Variants in AUH observed in about 807,000 individuals in gnomAD.
AUH encodes AU RNA binding methylglutaconyl-CoA hydratase.
Under a neutral mutation model 42.3 loss-of-function variants are expected in AUH, and 29 were observed. The observed-to-expected ratio is 0.69, with a 90% confidence interval of 0.51 to 0.93. The LOEUF is 0.93. Among genes scored for constraint, AUH ranks in the 40% least tolerant of loss-of-function variants. The pLI, the probability that AUH is intolerant of heterozygous loss-of-function variation, is 0.00. For missense variants in AUH, 452 were observed against 438.1 expected (o/e 1.03, Z -0.28); for synonymous variants, 174 against 166.4 (o/e 1.05, Z -0.35).
intron 4 of AUH, chr9:91,306,253 A>T (rs1413200610): frequency 9.1e-6 from 6 of 658,050 alleles, no homozygotes; most frequent in Non-Finnish European, 9.4e-6. Context: ...ACCCTCCCTA[A>T]GGGAAATGCA....
At chr9:91,355,513 C>T (rs1271038852) in intron 3 of AUH, among the ~76,000 whole-genome samples, 1 of 151,224 alleles carries the variant, frequency 6.6e-6, no homozygotes, top group African/African-American at 2.4e-5. Context: ...GCGAAGATCA[C>T]GCCACTGCAG....
intron 6 of AUH, among the ~76,000 whole-genome samples, chr9:91,269,321 T>G (rs1335493692): frequency 1.3e-5 from 2 of 152,258 alleles, no homozygotes; most frequent in East Asian, 3.8e-4. Context: ...CCAGTCTTCA[T>G]GAACTCCCTC....
chr9:91,268,725 C>T (rs1006343834), intron 6 of AUH, among the ~76,000 whole-genome samples: 4 of 151,894 alleles, frequency 2.6e-5, no homozygotes, highest in South Asian at 4.2e-4. Context: ...CCACCACGCC[C>T]GGCCCATAGA....
At chr9:91,331,784 A>C (rs1287181782) in intron 3 of AUH, among the ~76,000 whole-genome samples, 1 of 152,210 alleles carries the variant, frequency 6.6e-6, no homozygotes. Flanking sequence ...AACTACTCCA[A>C]TGAACTTTAG....
At chr9:91,361,487 G>A in intron 1 of AUH, 141 bp downstream of exon 1, 2 of 1,189,186 alleles carry the variant, frequency 1.7e-6, no homozygotes, top group Non-Finnish European at 2.3e-6. Flanking sequence ...GAGTAGGGAG[G>A]TGAGAAAGGG....
At chr9:91,241,741 C>T (rs1452154119) in intron 6 of AUH, among the ~76,000 whole-genome samples, 2 of 152,070 alleles carry the variant, frequency 1.3e-5, no homozygotes, top group Admixed American at 1.3e-4. Context: ...TTGATATCTA[C>T]AGATTCCACC....
intron 3 of AUH, among the ~76,000 whole-genome samples, chr9:91,339,023 T>C (rs1830906081): frequency 6.6e-6 from 1 of 152,212 alleles, no homozygotes; most frequent in Non-Finnish European, 1.5e-5. Flanking sequence ...TTACCTCTAA[T>C]GAATAAAACA....
intron 6 of AUH, among the ~76,000 whole-genome samples, chr9:91,278,036 G>A (rs912421909): frequency 2.6e-5 from 4 of 152,176 alleles, no homozygotes; most frequent in South Asian, 4.1e-4. Context: ...GAGGCAGCAG[G>A]TGAGTTTTAA....
chr9:91,226,826 T>C (rs1267139749), intron 6 of AUH, among the ~76,000 whole-genome samples: 1 of 120,434 alleles, frequency 8.3e-6, no homozygotes, highest in Non-Finnish European at 1.7e-5. Context: ...CCCCATTGCT[T>C]GTTTTTCTCA....
At chr9:91,292,356 G>A (rs1826974005) in intron 6 of AUH, among the ~76,000 whole-genome samples, 1 of 147,908 alleles carries the variant, frequency 6.8e-6, no homozygotes. Context: ...TCGGCTCACT[G>A]CAATTTCCAC....
At chr9:91,342,402 T>C (rs1001432014) in intron 3 of AUH, among the ~76,000 whole-genome samples, 7 of 152,200 alleles carry the variant, frequency 4.6e-5, no homozygotes, top group Non-Finnish European at 1.0e-4. Flanking sequence ...TCTGCGAAGT[T>C]CCTGTTTCCA....
At chr9:91,321,036 T>C (rs568945628) in intron 4 of AUH, among the ~76,000 whole-genome samples, 8 of 152,220 alleles carry the variant, frequency 5.3e-5, no homozygotes, top group Non-Finnish European at 1.2e-4. Context: ...GGTATGTTTC[T>C]TGAAAAATTG....
intron 7 of AUH, 54 bp downstream of exon 7, chr9:91,220,751 G>A (rs2131214310): frequency 6.3e-7 from 1 of 1,592,062 alleles, no homozygotes; most frequent in Non-Finnish European, 8.6e-7. Flanking sequence ...TTTAGTCAAA[G>A]TGTTATAATG....
chr9:91,276,860 T>TCC (rs1352110891), intron 6 of AUH, among the ~76,000 whole-genome samples: 1 of 152,266 alleles, frequency 6.6e-6, no homozygotes, highest in East Asian at 1.9e-4. Flanking sequence ...GTGGTTTTCT[T>TCC]CCCCAAGTAA....
intron 6 of AUH, among the ~76,000 whole-genome samples, chr9:91,277,474 G>GT (rs141294340): frequency 0.022 from 3,326 of 152,156 alleles, 196 homozygotes; most frequent in East Asian, 0.21. Flanking sequence ...TAAAACAGAA[G>GT]TTTTTTGTAA....
chr9:91,269,031 A>G (rs1240184688), intron 6 of AUH, among the ~76,000 whole-genome samples: 1 of 151,860 alleles, frequency 6.6e-6, no homozygotes, highest in Admixed American at 6.6e-5. Flanking sequence ...CCCAGGCTGG[A>G]GCACAGTGGT....
chr9:91,269,537 A>T, intron 6 of AUH, among the ~76,000 whole-genome samples: 1 of 152,376 alleles, frequency 6.6e-6, no homozygotes, highest in South Asian at 2.1e-4. Flanking sequence ...TGCTAGTAAT[A>T]TTCTAATTTC....
At chr9:91,288,175 C>G in intron 6 of AUH, among the ~76,000 whole-genome samples, 1 of 152,066 alleles carries the variant, frequency 6.6e-6, no homozygotes. Context: ...TTTCCTGACA[C>G]AGACCCCAAA....
chr9:91,324,249 T>G (rs1829801799), intron 4 of AUH, among the ~76,000 whole-genome samples: 1 of 152,096 alleles, frequency 6.6e-6, no homozygotes, highest in Non-Finnish European at 1.5e-5. Context: ...ATGCATGTAA[T>G]CCCAACACTG....
Sources: gnomAD v4.1 joint callset for allele counts (sites outside exome capture counted in the v4.1 genomes callset) on GRCh38, gnomAD v4.1.1 for gene constraint, MANE v1.5 for transcripts, NCBI Gene and HGNC (gene_info 2026-07-23, HGNC 2026-07-21) for gene names.